ITPKB: variants seen among roughly 807,000 people sequenced by gnomAD.
The protein encoded by ITPKB is inositol-trisphosphate 3-kinase B.
ITPKB carries 13 observed loss-of-function variants against 69.4 expected under a neutral mutation model. That is an observed-to-expected ratio of 0.19 (90% CI 0.12 to 0.30). The LOEUF (loss-of-function observed/expected upper bound fraction) is 0.30. Among genes scored for constraint, ITPKB ranks in the 10% least tolerant of loss-of-function variants. The probability of loss-of-function intolerance (pLI) is 1.00; values close to 1 mark genes in which losing one functional copy is unlikely to be tolerated. For missense variants in ITPKB, 1,240 were observed against 1,250.5 expected, an observed-to-expected ratio of 0.99 and a Z score of 0.13; for synonymous variants, 584 against 513.7, an observed-to-expected ratio of 1.14 and a Z score of -1.85.
chr1:226,716,985 C>T (rs753676323), intron 2 of ITPKB, among the ~76,000 whole-genome samples: 2 of 152,158 alleles, frequency 1.3e-5, no homozygotes, highest in African/African-American at 2.4e-5. Flanking sequence ...TTCATCATAC[C>T]GAGGGAGAAA....
At chr1:226,669,276 C>G (rs1195529361) in intron 2 of ITPKB, 1 of 151,976 alleles carries the variant, frequency 6.6e-6, no homozygotes, top group Non-Finnish European at 1.5e-5. Flanking sequence ...ATTAGCCGGG[C>G]GTGGTGGCGG....
intron 2 of ITPKB, among the ~76,000 whole-genome samples, chr1:226,672,000 A>G (rs1669627488): frequency 6.6e-6 from 1 of 152,216 alleles, no homozygotes; most frequent in African/African-American, 2.4e-5. Flanking sequence ...ATGTTCTAAA[A>G]GGCTCACGCT....
intron 2 of ITPKB, among the ~76,000 whole-genome samples, chr1:226,719,605 A>G (rs1278946413): frequency 1.3e-5 from 2 of 152,208 alleles, no homozygotes; most frequent in South Asian, 4.1e-4. Flanking sequence ...ATTTACCTGG[A>G]GGCAGGTAAC....
At chr1:226,705,100 G>T (rs1656768518) in intron 2 of ITPKB, among the ~76,000 whole-genome samples, 1 of 152,156 alleles carries the variant, frequency 6.6e-6, no homozygotes, top group Non-Finnish European at 1.5e-5. Context: ...CCACATTCAG[G>T]CCACTCTCCC....
chr1:226,711,405 A>AAGAGAGAGAGAG (rs59479705), intron 2 of ITPKB, among the ~76,000 whole-genome samples: 18 of 129,876 alleles, frequency 1.4e-4, no homozygotes, highest in African/African-American at 3.5e-4. Flanking sequence ...GGTGTTTTGA[A>AAGAGAGAGAGAG]AGAGAGAGAG....
intron 2 of ITPKB, among the ~76,000 whole-genome samples, chr1:226,664,127 T>G (rs1669453295): frequency 1.3e-5 from 2 of 152,266 alleles, no homozygotes; most frequent in South Asian, 4.1e-4. Context: ...TCTCTTAGAC[T>G]TGTTTCATCT....
intron 2 of ITPKB, among the ~76,000 whole-genome samples, chr1:226,689,569 T>TTG (rs10589027): frequency 0.13 from 17,759 of 138,270 alleles, 1,099 homozygotes; most frequent in South Asian, 0.16. Context: ...AAGGTTTTAT[T>TTG]TGTGTGTGTG....
In ITPKB at chr1:226,642,247, G is replaced by A. The variant is rs1289288817; in HGVS notation, c.2247-122C>T. 1.4e-6 allele frequency: 1 copy of A among 737,250 alleles called. No homozygotes were observed. Among genetic ancestry groups the A allele is most frequent in the Admixed American group, 2.6e-5 (1 of 39,092 alleles). The allele number at this position is 737,250 out of a possible 1,614,324, so 45.7% of individuals were successfully genotyped here. ...TTGCCCAACAGCTGCAGTCAGCTCAGTGCCCTGAGTCAAGGCACGTCTTTC... is the reference window on the plus strand; with the variant it reads ...TTGCCCAACAGCTGCAGTCAGCTCAATGCCCTGAGTCAAGGCACGTCTTTC... On this transcript the variant is annotated intron_variant, in intron 4 of 7. Transcript: ENST00000429204. This position sits in a 1 kb window ranked among gnomAD's most constrained non-coding sequence, Gnocchi z 6.4.
chr1:226,718,722 T>C (rs544773513), intron 2 of ITPKB, among the ~76,000 whole-genome samples: 129 of 152,324 alleles, frequency 8.5e-4, no homozygotes, highest in African/African-American at 2.9e-3. Context: ...AATAAAACGC[T>C]GGCAAGGATG....
chr1:226,656,683 A>G (rs1040421334), intron 2 of ITPKB: 1 of 152,254 alleles, frequency 6.6e-6, no homozygotes, highest in African/African-American at 2.4e-5. Flanking sequence ...ACGGAGTTGG[A>G]TGTTGTTCTA....
At chr1:226,649,474 G>A (rs990384015) in intron 2 of ITPKB, among the ~76,000 whole-genome samples, 11 of 151,396 alleles carry the variant, frequency 7.3e-5, no homozygotes, top group African/African-American at 2.7e-4. Flanking sequence ...GTGCATGTAT[G>A]TGCATATGTG....
intron 2 of ITPKB, among the ~76,000 whole-genome samples, chr1:226,725,966 C>G (rs1327812229): frequency 6.6e-6 from 1 of 152,200 alleles, no homozygotes; most frequent in Non-Finnish European, 1.5e-5. Context: ...GGTCAGAATA[C>G]TCTTCATGAG....
At chr1:226,707,955 T>C in intron 2 of ITPKB, 2 of 1,284,912 alleles carry the variant, frequency 1.6e-6, no homozygotes, top group South Asian at 1.3e-5. Flanking sequence ...ACAAAAATAC[T>C]CATGGCTGCA....
intron 2 of ITPKB, among the ~76,000 whole-genome samples, chr1:226,716,385 C>A (rs1657096632): frequency 6.6e-6 from 1 of 151,924 alleles, no homozygotes; most frequent in Non-Finnish European, 1.5e-5. Context: ...TTCTAAAAAT[C>A]TTCTCTTTTT....
At chr1:226,732,491 G>A (rs1217079707) in intron 2 of ITPKB, among the ~76,000 whole-genome samples, 2 of 151,646 alleles carry the variant, frequency 1.3e-5, no homozygotes, top group Non-Finnish European at 2.9e-5. Context: ...ACCCGCCTTG[G>A]CCTCCGAAAG....
intron 2 of ITPKB, among the ~76,000 whole-genome samples, chr1:226,729,117 G>A (rs1657510320): frequency 6.6e-6 from 1 of 152,158 alleles, no homozygotes; most frequent in African/African-American, 2.4e-5. Flanking sequence ...TAGTTGAAGG[G>A]TGTAACCATG....
chr1:226,734,528 C>T (rs774124036), intron 2 of ITPKB, among the ~76,000 whole-genome samples: 42 of 152,284 alleles, frequency 2.8e-4, no homozygotes, highest in Admixed American at 1.1e-3. Context: ...TATAGCACAA[C>T]CACCCCTGGC....
rs1558103412 is a variant in ITPKB, at chr1:226,737,179, C to G, written c.280G>C (p.Gly94Arg). The stretch of plus-strand genomic sequence containing the variant: ...CAACTTGGGCTGCTCACGCTACTGC[C>G]GCTGCTGCCGCTGCCACTGCCGCTG... ...SSSGSGSGSS[G>R]SSVSSPSWAG... The change falls in exon 2 of 8, where the codon GGC becomes CGC. Residue 94 changes from glycine (G) to arginine (R), a missense_variant. Coordinates refer to ENST00000429204, the MANE Select transcript of ITPKB (RefSeq NM_002221.4). 8 of 821,482 alleles carry G rather than the reference C, an allele frequency of 9.7e-6. No homozygotes were observed. Among genetic ancestry groups the G allele is most frequent in the Middle Eastern group, 7.0e-4 (2 of 2,838 alleles). 50.9% of individuals were successfully genotyped at this position (821,482 alleles called of 1,614,324 possible).
At chr1:226,705,810 G>A (rs540683632) in intron 2 of ITPKB, among the ~76,000 whole-genome samples, 5 of 152,274 alleles carry the variant, frequency 3.3e-5, no homozygotes, top group African/African-American at 9.6e-5. Flanking sequence ...TTTGAGGCCC[G>A]AATCATTTCT....
Sources: gnomAD v4.1 joint callset for allele counts (sites outside exome capture counted in the v4.1 genomes callset) on GRCh38, gnomAD v4.1.1 for gene constraint, Gnocchi (gnomAD v3.1) non-coding constraint, MANE v1.5 for transcripts, NCBI Gene and HGNC (gene_info 2026-07-23, HGNC 2026-07-21) for gene names.